SNTG2: variants seen among roughly 807,000 people sequenced by gnomAD.
The protein encoded by SNTG2 is gamma-2-syntrophin.
In SNTG2, 74 loss-of-function variants were observed where a neutral mutation model predicts 70.9. The ratio of observed to expected loss-of-function variants is 1.04; its 90% confidence interval spans 0.86 to 1.27. The LOEUF (loss-of-function observed/expected upper bound fraction) is 1.27, where lower values mean the gene tolerates loss of function less well. SNTG2 is among the 50% of genes most tolerant of loss of function. The pLI is 0.00. For synonymous variants in SNTG2, 278 were observed against 273.8 expected, an observed-to-expected ratio of 1.02 and a Z score of -0.15; for missense variants, 717 against 690.7, an observed-to-expected ratio of 1.04 and a Z score of -0.43.
At chr2:1,258,277 A>G (rs1481988719) in intron 12 of SNTG2, among the ~76,000 whole-genome samples, 1 of 152,170 alleles carries the variant, frequency 6.6e-6, no homozygotes, top group Admixed American at 6.5e-5. Flanking sequence ...TGAAATAAGC[A>G]CCTGAAACTC....
At chr2:1,291,212 T>C (rs145132570) in intron 14 of SNTG2, among the ~76,000 whole-genome samples, 233 of 152,324 alleles carry the variant, frequency 1.5e-3, no homozygotes, top group African/African-American at 5.2e-3. Flanking sequence ...TTGCTTGTTT[T>C]CTTCTGGTTC....
At chr2:1,235,445 C>G (rs1470589129) in intron 9 of SNTG2, among the ~76,000 whole-genome samples, 6 of 69,386 alleles carry the variant, frequency 8.6e-5, no homozygotes, top group African/African-American at 1.8e-4. Flanking sequence ...TGAGAGGGGG[C>G]GCCCCTACCC....
chr2:1,021,975 A>G (rs1427912013), intron 1 of SNTG2, among the ~76,000 whole-genome samples: 2 of 139,546 alleles, frequency 1.4e-5, no homozygotes, highest in Non-Finnish European at 3.0e-5. Context: ...ATAAGCTCCT[A>G]ATAATCCTAT....
chr2:1,347,029 G>A (rs974410694), intron 16 of SNTG2, among the ~76,000 whole-genome samples: 2 of 151,956 alleles, frequency 1.3e-5, no homozygotes, highest in African/African-American at 2.4e-5. Context: ...CTGTTCAAGG[G>A]GATTTAATGG....
intron 1 of SNTG2, among the ~76,000 whole-genome samples, chr2:956,092 G>A (rs1276734638): frequency 2.4e-5 from 2 of 81,722 alleles, no homozygotes; most frequent in East Asian, 4.0e-4. Context: ...CAAATGCTCC[G>A]CACCTGCCCC....
intron 14 of SNTG2, among the ~76,000 whole-genome samples, chr2:1,277,012 A>T (rs1422777580): frequency 6.6e-6 from 1 of 152,254 alleles, no homozygotes; most frequent in Non-Finnish European, 1.5e-5. Flanking sequence ...CAATCTCAGG[A>T]TAAACTTAGA....
rs972455467 is a variant in SNTG2, at chr2:1,064,422, T to C, written c.73-19096T>C. Among the ~76,000 whole-genome samples the C allele has an allele frequency of 4.0e-5, 6 of 151,014 alleles. No homozygotes were observed. The East Asian group carries it at 1.2e-3, about 29-fold the overall frequency. On this transcript the variant is annotated intron_variant, in intron 1 of 16. Coordinates refer to ENST00000308624, the MANE Select transcript of SNTG2 (RefSeq NM_018968.4). ...TTATGTATGTTTTAATGCATTGATA[T>C]ATAATTATATATATGTATATATACT...
chr2:1,253,876 C>A (rs1476096203), intron 12 of SNTG2, among the ~76,000 whole-genome samples: 2 of 152,048 alleles, frequency 1.3e-5, no homozygotes, highest in Admixed American at 1.3e-4. Flanking sequence ...GAGGAGATGT[C>A]ACACTTTTAA....
intron 8 of SNTG2, among the ~76,000 whole-genome samples, chr2:1,208,085 G>A (rs1252997652): frequency 5.3e-5 from 8 of 152,188 alleles, no homozygotes; most frequent in South Asian, 2.1e-4. Context: ...ACAGATGCTC[G>A]GATTCCAGGT....
At chr2:975,866 C>T (rs995671508) in intron 1 of SNTG2, among the ~76,000 whole-genome samples, 1 of 152,202 alleles carries the variant, frequency 6.6e-6, no homozygotes, top group Non-Finnish European at 1.5e-5. Context: ...CTTTACCAGA[C>T]AGTAACCTTT....
At chr2:1,194,388 A>G (rs1179305167) in intron 8 of SNTG2, among the ~76,000 whole-genome samples, 1 of 152,182 alleles carries the variant, frequency 6.6e-6, no homozygotes, top group Non-Finnish European at 1.5e-5. Flanking sequence ...AGCTGTGAAA[A>G]TCACATATAT....
At chr2:1,028,242 C>G (rs986439238) in intron 1 of SNTG2, among the ~76,000 whole-genome samples, 1 of 149,260 alleles carries the variant, frequency 6.7e-6, no homozygotes, top group African/African-American at 2.6e-5. Context: ...ACTGAAGGTG[C>G]GTCTGACCCA....
intron 2 of SNTG2, among the ~76,000 whole-genome samples, chr2:1,093,443 T>G (rs956019417): frequency 3.9e-5 from 6 of 152,204 alleles, no homozygotes; most frequent in African/African-American, 1.4e-4. Context: ...TGTGAAAAGT[T>G]CCAGTTAGAA....
chr2:1,266,543 C>T (rs1678744692), intron 13 of SNTG2, among the ~76,000 whole-genome samples: 1 of 152,118 alleles, frequency 6.6e-6, no homozygotes, highest in Non-Finnish European at 1.5e-5. Context: ...TCCTGGGTGG[C>T]CGGGTGCCTT....
intron 9 of SNTG2, among the ~76,000 whole-genome samples, chr2:1,235,153 C>T (rs557175329): frequency 4.0e-5 from 6 of 151,128 alleles, no homozygotes; most frequent in African/African-American, 4.9e-5. Context: ...CAGGCACCCC[C>T]GATTCATGAG....
intron 14 of SNTG2, among the ~76,000 whole-genome samples, chr2:1,300,003 G>A (rs904421665): frequency 1.3e-5 from 2 of 151,882 alleles, no homozygotes; most frequent in Non-Finnish European, 2.9e-5. Flanking sequence ...GCTCTGAAGG[G>A]CGTGCAAGAC....
At chr2:1,355,184 G>A (rs930826509) in intron 16 of SNTG2, among the ~76,000 whole-genome samples, 3 of 152,176 alleles carry the variant, frequency 2.0e-5, no homozygotes, top group African/African-American at 4.8e-5. Flanking sequence ...TCTGGTTTTC[G>A]TATTTGTTTA....
intron 1 of SNTG2, among the ~76,000 whole-genome samples, chr2:958,008 A>C (rs368414523): frequency 1.3e-5 from 2 of 152,260 alleles, no homozygotes; most frequent in East Asian, 3.9e-4. Context: ...CAGAACCCCC[A>C]GGTTAGAACT....
chr2:1,217,930 C>T (rs1467502917), intron 9 of SNTG2, among the ~76,000 whole-genome samples: 1 of 152,056 alleles, frequency 6.6e-6, no homozygotes, highest in Admixed American at 6.5e-5. Context: ...CAGCTCCCGG[C>T]TGGTCCTCTG....
Sources: allele counts gnomAD v4.1 joint callset (sites outside exome capture counted in the v4.1 genomes callset), GRCh38; gene constraint gnomAD v4.1.1; transcripts MANE v1.5; gene names NCBI Gene and HGNC (gene_info 2026-07-23, HGNC 2026-07-21).